PLXDC2: variants seen among roughly 807,000 people sequenced by gnomAD.
PLXDC2 encodes plexin domain-containing protein 2.
In PLXDC2, 40 loss-of-function variants were observed where a neutral mutation model predicts 68.9. That is an observed-to-expected ratio of 0.58 (90% CI 0.45 to 0.76). PLXDC2 has a LOEUF of 0.76. PLXDC2 is among the 30% of genes least tolerant of loss of function. The probability of loss-of-function intolerance (pLI) is 0.00; values close to 1 mark genes in which losing one functional copy is unlikely to be tolerated. For missense variants in PLXDC2, 644 were observed against 661.9 expected, an observed-to-expected ratio of 0.97 and a Z score of 0.30; for synonymous variants, 243 against 234.2, an observed-to-expected ratio of 1.04 and a Z score of -0.34.
intron 13 of PLXDC2, among the ~76,000 whole-genome samples, chr10:20,267,742 G>A (rs761536543): frequency 4.0e-5 from 6 of 151,060 alleles, no homozygotes; most frequent in Non-Finnish European, 8.8e-5. Context: ...AAACCCCTGA[G>A]TATTATACCA....
intron 9 of PLXDC2, among the ~76,000 whole-genome samples, chr10:20,195,942 C>G (rs1409870443): frequency 6.6e-6 from 1 of 152,092 alleles, no homozygotes; most frequent in Non-Finnish European, 1.5e-5. Flanking sequence ...GTTCCTTTGT[C>G]CAAGGCACCA....
At chr10:20,259,629 C>T (rs1219915510) in intron 13 of PLXDC2, among the ~76,000 whole-genome samples, 2 of 152,164 alleles carry the variant, frequency 1.3e-5, no homozygotes, top group African/African-American at 2.4e-5. Flanking sequence ...AAAGGGAATC[C>T]ACAAGGTGTC....
At chr10:20,028,269 G>A in intron 2 of PLXDC2, among the ~76,000 whole-genome samples, 1 of 152,132 alleles carries the variant, frequency 6.6e-6, no homozygotes, top group South Asian at 2.1e-4. Flanking sequence ...AATTTTTCAA[G>A]GTCTCCAGGT....
At chr10:20,175,481 A>G (rs1272375331) in intron 7 of PLXDC2, among the ~76,000 whole-genome samples, 1 of 152,176 alleles carries the variant, frequency 6.6e-6, no homozygotes, top group Admixed American at 6.5e-5. Context: ...CAGGGGCTCA[A>G]GATCAGCCTG....
rs545769972 is a variant in PLXDC2, at chr10:19,984,806, T to C, written c.113-16969T>C. On this transcript the variant is annotated intron_variant, in intron 1 of 13. Coordinates refer to ENST00000377252, the MANE Select transcript of PLXDC2 (RefSeq NM_032812.9). ...TTGTGAAGCGTGTAGGTTTGAGGAA[T>C]CTTCAGGAACACCATGTGATTTTAG... 4.6e-5 allele frequency among the ~76,000 whole-genome samples: 7 copies of C among 152,296 alleles called. No homozygotes were observed. The South Asian group carries it at 1.4e-3, about 32-fold the overall frequency.
intron 9 of PLXDC2, among the ~76,000 whole-genome samples, chr10:20,193,728 G>C (rs1392433217): frequency 6.6e-6 from 1 of 152,042 alleles, no homozygotes; most frequent in African/African-American, 2.4e-5. Context: ...GTTAACATAA[G>C]ATGACATTAA....
At chr10:19,955,328 C>G (rs557143469) in intron 1 of PLXDC2, among the ~76,000 whole-genome samples, 18 of 152,044 alleles carry the variant, frequency 1.2e-4, no homozygotes, top group African/African-American at 4.3e-4. Context: ...CCACTGCACC[C>G]AGCCTCTTTC....
chr10:20,205,569 T>C (rs1365442144), intron 9 of PLXDC2, among the ~76,000 whole-genome samples: 1 of 152,146 alleles, frequency 6.6e-6, no homozygotes, highest in African/African-American at 2.4e-5. Context: ...CATTTCACAT[T>C]AATATGGTAC....
intron 6 of PLXDC2, among the ~76,000 whole-genome samples, chr10:20,159,260 G>A (rs1297871082): frequency 6.6e-6 from 1 of 152,162 alleles, no homozygotes; most frequent in Non-Finnish European, 1.5e-5. Context: ...CTCTGGAGTT[G>A]TACAACCTAT....
intron 9 of PLXDC2, among the ~76,000 whole-genome samples, chr10:20,184,276 A>G (rs1373594452): frequency 6.6e-6 from 1 of 150,876 alleles, no homozygotes; most frequent in Non-Finnish European, 1.5e-5. Flanking sequence ...AGAATCACCT[A>G]TATTTCATAA....
rs746922053 is a variant in PLXDC2 at position 20,177,428 on chromosome 10, G to T, written c.1061+19G>T. 10 of 1,196,874 alleles carry T rather than the reference G, an allele frequency of 8.4e-6. No individual in the cohort carries two copies. The highest frequency in any genetic ancestry group is 2.6e-5 in the Admixed American group (1 of 38,414). The allele number at this position is 1,196,874 out of a possible 1,614,324, so 74.1% of individuals were successfully genotyped here. ...TTCAAAGGTAAAAATATAATAATAA[G>T]AATAATAATAAAATTTAAAAAGATA... On this transcript the variant is annotated intron_variant, in intron 9 of 13. Transcript: ENST00000377252.
In PLXDC2 at chr10:20,287,881, T is replaced by G. The variant is rs1181158295; in HGVS notation, c.*8062T>G. 1 of 150,526 alleles carries G rather than the reference T, an allele frequency of 6.6e-6. No individual in the cohort carries two copies. Among genetic ancestry groups the G allele is most frequent in the East Asian group, 2.0e-4 (1 of 5,068 alleles). 9.3% of individuals were successfully genotyped at this position (150,526 alleles called of 1,614,324 possible). On this transcript the variant is annotated 3_prime_UTR_variant, in exon 14 of 14. Transcript: ENST00000377252. ...TATGCCAGCTGGGATCATGGGAACT[T>G]CGAATGCCAGGAATTTACTACTGTT... is the stretch of plus-strand genomic sequence containing the variant.
chr10:19,908,705 A>G (rs1233785777), intron 1 of PLXDC2, among the ~76,000 whole-genome samples: 1 of 152,070 alleles, frequency 6.6e-6, no homozygotes, highest in Non-Finnish European at 1.5e-5. Flanking sequence ...CTGACAATAT[A>G]CCCTATGTAT....
At chr10:19,902,876 T>C (rs925329544) in intron 1 of PLXDC2, among the ~76,000 whole-genome samples, 26 of 152,300 alleles carry the variant, frequency 1.7e-4, no homozygotes, top group Admixed American at 1.4e-3. Context: ...TTGCTGAGGG[T>C]TTTAATCATA....
intron 1 of PLXDC2, among the ~76,000 whole-genome samples, chr10:19,957,020 C>T (rs1834081163): frequency 6.6e-6 from 1 of 152,156 alleles, no homozygotes; most frequent in African/African-American, 2.4e-5. Flanking sequence ...TGTGAAATAT[C>T]AGCACAAATG....
At chr10:20,101,910 G>A (rs1447269852) in intron 4 of PLXDC2, among the ~76,000 whole-genome samples, 5 of 151,692 alleles carry the variant, frequency 3.3e-5, no homozygotes, top group East Asian at 3.9e-4. Context: ...CAATTCTCCC[G>A]CCTCAGCTTC....
At chr10:19,925,685 A>T (rs1564630428) in intron 1 of PLXDC2, among the ~76,000 whole-genome samples, 1 of 152,310 alleles carries the variant, frequency 6.6e-6, no homozygotes, top group East Asian at 1.9e-4. Flanking sequence ...GACTTTGAGT[A>T]AGGGACTGCT....
intron 1 of PLXDC2, among the ~76,000 whole-genome samples, chr10:19,988,499 A>AAT (rs1374605967): frequency 6.6e-6 from 1 of 152,148 alleles, no homozygotes; most frequent in Non-Finnish European, 1.5e-5. Flanking sequence ...AAGTTTCAAA[A>AAT]ATATATATTT....
chr10:20,218,975 GC>G (rs1442976418), intron 11 of PLXDC2, 88 bp from the exon 12 acceptor site: 1 of 1,398,544 alleles, frequency 7.2e-7, no homozygotes, highest in Non-Finnish European at 9.9e-7. Flanking sequence ...TCCGACCAAG[GC>G]AGTTAGTAGA....
Sources: gnomAD v4.1 joint callset for allele counts (sites outside exome capture counted in the v4.1 genomes callset) on GRCh38, gnomAD v4.1.1 for gene constraint, MANE v1.5 for transcripts, NCBI Gene and HGNC (gene_info 2026-07-23, HGNC 2026-07-21) for gene names.